The following WNT5A variants were observed in gnomAD, a reference collection of about 807,000 sequenced individuals.
WNT5A encodes protein Wnt-5a.
A neutral mutation model predicts 42.1 loss-of-function variants in WNT5A; 9 were observed. The ratio of observed to expected loss-of-function variants is 0.21; its 90% CI spans 0.13 to 0.37. The LOEUF is 0.37. Among genes scored for constraint, WNT5A ranks in the 10% least tolerant of loss-of-function variants. WNT5A has a pLI of 1.00. For synonymous variants in WNT5A, 210 were observed against 210.0 expected (o/e 1.00, Z 0.00); for missense variants, 426 against 534.0 (o/e 0.80, Z 1.99).
At chr3:55,481,239 C>A in intron 1 of WNT5A, 1 of 968,800 alleles carries the variant, frequency 1.0e-6, no homozygotes, top group Non-Finnish European at 1.2e-6. Context: ...GTCCCGCACC[C>A]CCTGGCCCCC....
the WNT5A span, among the ~76,000 whole-genome samples, chr3:55,495,545 C>T: frequency 6.6e-6 from 1 of 152,118 alleles, no homozygotes. Flanking sequence ...GAATAGTATT[C>T]CATTGTGTAT....
chr3:55,484,661 G>C (rs1204963926), intron 1 of WNT5A, among the ~76,000 whole-genome samples: 2 of 149,486 alleles, frequency 1.3e-5, no homozygotes, highest in Non-Finnish European at 3.0e-5. Context: ...CCATCCCTTA[G>C]ACTGGGCTTT....
the WNT5A span, among the ~76,000 whole-genome samples, chr3:55,504,309 A>G: frequency 3.9e-5 from 6 of 152,130 alleles, no homozygotes; most frequent in South Asian, 6.2e-4. Context: ...GAAAGAAAAG[A>G]AAGAAATTTT....
intron 1 of WNT5A, among the ~76,000 whole-genome samples, chr3:55,485,841 G>T (rs559993658): frequency 6.6e-6 from 1 of 152,260 alleles, no homozygotes; most frequent in South Asian, 2.1e-4. Flanking sequence ...CTCCAGACTT[G>T]AAGTTTTTTG....
intron 4 of WNT5A, 51 bp downstream of exon 4, chr3:55,474,286 G>A (rs750572518): frequency 6.2e-7 from 1 of 1,608,406 alleles, no homozygotes; most frequent in South Asian, 1.1e-5. Flanking sequence ...GAGGCTGGAG[G>A]GCAAGGTGAG....
intron 1 of WNT5A, among the ~76,000 whole-genome samples, chr3:55,482,743 G>A (rs2051492464): frequency 2.0e-5 from 3 of 152,206 alleles, no homozygotes; most frequent in Non-Finnish European, 1.5e-5. Flanking sequence ...CCAGCTAGGA[G>A]AGAGAAGGCT....
At chr3:55,473,850 G>A (rs2051297395) in intron 4 of WNT5A, among the ~76,000 whole-genome samples, 1 of 152,232 alleles carries the variant, frequency 6.6e-6, no homozygotes, top group South Asian at 2.1e-4. Flanking sequence ...GCCAACCACA[G>A]ACATCGTCCA....
intron 3 of WNT5A, among the ~76,000 whole-genome samples, chr3:55,477,174 G>A (rs1229501826): frequency 6.6e-6 from 1 of 152,186 alleles, no homozygotes; most frequent in Non-Finnish European, 1.5e-5. Context: ...GGCATCAAAG[G>A]TATTTTAAAT....
At position 55,466,346 on chromosome 3, in the gene WNT5A, C is replaced by T. The variant is rs1308658234; in HGVS notation, c.*3746G>A. The T allele has an allele frequency of 6.6e-6, 1 of 152,158 alleles. No homozygotes were observed. The highest frequency in any genetic ancestry group is 1.5e-5 in the Non-Finnish European group (1 of 68,044). 9.4% of individuals were successfully genotyped at this position (152,158 alleles called of 1,614,324 possible). ...AGTGTTTGTGGACTGATGCTGCTAA[C>T]GATCTCTTGGAGTTAGCTAGTACCG... On this transcript the variant is annotated 3_prime_UTR_variant, in exon 5 of 5. Coordinates refer to ENST00000264634, the MANE Select transcript of WNT5A (RefSeq NM_003392.7).
At chr3:55,491,386 G>T (rs935176344), upstream of WNT5A, among the ~76,000 whole-genome samples, 2 of 152,202 alleles carry the variant, frequency 1.3e-5, no homozygotes, top group Non-Finnish European at 2.9e-5. Flanking sequence ...GCATTTGGGT[G>T]TGTGCCTCAG....
upstream of WNT5A, among the ~76,000 whole-genome samples, chr3:55,493,658 A>G (rs1347890110): frequency 1.3e-5 from 2 of 152,230 alleles, no homozygotes; most frequent in African/African-American, 4.8e-5. Flanking sequence ...TGAAGGAATG[A>G]TCTTACCTGT....
intron 1 of WNT5A, among the ~76,000 whole-genome samples, chr3:55,485,310 TG>T (rs879675154): frequency 9.4e-5 from 14 of 148,466 alleles, no homozygotes; most frequent in Admixed American, 6.7e-4. Context: ...GCCGCGGGGA[TG>T]GCTCCGAGTT....
At chr3:55,501,246 A>G in the WNT5A span, among the ~76,000 whole-genome samples, 24,691 of 152,246 alleles carry the variant, frequency 0.16, 2,223 homozygotes, top group Non-Finnish European at 0.19. Context: ...CTGGCCTTAA[A>G]TGAGATTTCT....
At chr3:55,477,589 G>C (rs944320607) in intron 3 of WNT5A, among the ~76,000 whole-genome samples, 2 of 152,162 alleles carry the variant, frequency 1.3e-5, no homozygotes, top group African/African-American at 2.4e-5. Flanking sequence ...ATACTTTCCA[G>C]GGACAATTAA....
the WNT5A span, chr3:55,501,605 G>C: frequency 6.6e-6 from 1 of 152,172 alleles, no homozygotes; most frequent in African/African-American, 2.4e-5. Context: ...TCACCTTTGA[G>C]CTCATGTTCA....
chr3:55,481,899 C>T (rs866849690), intron 1 of WNT5A, among the ~76,000 whole-genome samples: 25 of 152,350 alleles, frequency 1.6e-4, no homozygotes, highest in Middle Eastern at 3.4e-3. Flanking sequence ...TTCACTCTCC[C>T]TCCCACCCCA....
At chr3:55,500,664 T>C in the WNT5A span, among the ~76,000 whole-genome samples, 2 of 152,302 alleles carry the variant, frequency 1.3e-5, no homozygotes, top group South Asian at 2.1e-4. Flanking sequence ...ATTACTGAAG[T>C]AGAAATATTC....
chr3:55,493,168 A>G (rs903323711), upstream of WNT5A, among the ~76,000 whole-genome samples: 18 of 152,134 alleles, frequency 1.2e-4, no homozygotes, highest in African/African-American at 4.3e-4. Flanking sequence ...TGTTATCCCC[A>G]AAGGAATGAA....
chr3:55,475,410 C>A (rs1415160830), intron 3 of WNT5A, among the ~76,000 whole-genome samples: 1 of 152,198 alleles, frequency 6.6e-6, no homozygotes, highest in African/African-American at 2.4e-5. Context: ...GCAGTTGTAA[C>A]CTCTCCTCCC....
Sources: gnomAD v4.1 joint callset for allele counts (sites outside exome capture counted in the v4.1 genomes callset) on GRCh38, gnomAD v4.1.1 for gene constraint, MANE v1.5 for transcripts, NCBI Gene and HGNC (gene_info 2026-07-23, HGNC 2026-07-21) for gene names.